The following IKBIP variants were observed in gnomAD, a reference collection of about 807,000 sequenced individuals.
The protein encoded by IKBIP is inhibitor of nuclear factor kappa-B kinase-interacting protein.
In IKBIP, 28 loss-of-function variants were observed where a neutral mutation model predicts 31.0. The observed-to-expected ratio is 0.90, with a 90% CI of 0.67 to 1.24. The LOEUF (loss-of-function observed/expected upper bound fraction) is 1.24, where lower values mean the gene tolerates loss of function less well. IKBIP is among the 50% of genes most tolerant of loss of function. The pLI, the probability that IKBIP is intolerant of heterozygous loss-of-function variation, is 0.00. For missense variants in IKBIP, 453 were observed against 441.9 expected (o/e 1.03, Z -0.23); for synonymous variants, 164 against 160.3 (o/e 1.02, Z -0.17).
At chr12:98,627,777 T>A (rs1847646230) in intron 2 of IKBIP, among the ~76,000 whole-genome samples, 1 of 152,214 alleles carries the variant, frequency 6.6e-6, no homozygotes, top group Non-Finnish European at 1.5e-5. Flanking sequence ...TTTTAGAAAC[T>A]GCAACTTTGT....
At chr12:98,642,778 T>C (rs1049244317) in intron 1 of IKBIP, among the ~76,000 whole-genome samples, 1 of 151,424 alleles carries the variant, frequency 6.6e-6, no homozygotes, top group Non-Finnish European at 1.5e-5. Context: ...TTTGTATTTT[T>C]AGTAGACACA....
intron 2 of IKBIP, among the ~76,000 whole-genome samples, chr12:98,617,027 A>G (rs944597027): frequency 1.3e-4 from 20 of 152,212 alleles, no homozygotes; most frequent in African/African-American, 4.6e-4. Context: ...GTCCAAGACT[A>G]TATGTCTACG....
intron 2 of IKBIP, among the ~76,000 whole-genome samples, chr12:98,617,079 TCTAA>T (rs1394302425): frequency 3.9e-5 from 6 of 152,228 alleles, no homozygotes; most frequent in Admixed American, 6.5e-5. Context: ...TTCTGGCCTA[TCTAA>T]CTATCCATGA....
Position 98,644,636 on chromosome 12 carries a change from C to G in IKBIP, c.66G>C (p.Lys22Asn), listed in dbSNP as rs763887899. ...PKGAPAAEPG[K>N]RSEGGKTPVA... ...CGGGGGTCTTCCCGCCCTCGCTCCG[C>G]TTCCCGGGCTCCGCAGCAGGGGCTC... Residue 22 changes from lysine (K) to asparagine (N), a missense_variant, in exon 1 of 3, where the codon AAG becomes AAC. Lys to Asn is a moderately conservative substitution (Grantham distance 94). Transcript: ENST00000299157. 6.2e-7 allele frequency: 1 copy of G among 1,610,970 alleles called. No homozygotes were observed. Among genetic ancestry groups the G allele is most frequent in the Non-Finnish European group, 8.5e-7 (1 of 1,179,266 alleles).
At chr12:98,617,296 T>G (rs996108147) in intron 2 of IKBIP, among the ~76,000 whole-genome samples, 6 of 152,252 alleles carry the variant, frequency 3.9e-5, no homozygotes, top group Admixed American at 3.9e-4. Context: ...TGTTTCAATG[T>G]CATCCTTCTT....
exon 3 of IKBIP, chr12:98,613,878 C>T (rs147943089): frequency 1.9e-6 from 3 of 1,613,112 alleles, no homozygotes; most frequent in Admixed American, 1.7e-5. Context: ...GTATGTTTGT[C>T]GAAGTCACTC....
At chr12:98,628,056 TAGATA>T (rs1430016844) in intron 2 of IKBIP, among the ~76,000 whole-genome samples, 1 of 151,720 alleles carries the variant, frequency 6.6e-6, no homozygotes, top group African/African-American at 2.4e-5. Context: ...AGTCTACACT[TAGATA>T]ACAGCTTTAG....
chr12:98,638,046 A>G (rs2097627384), intron 1 of IKBIP, among the ~76,000 whole-genome samples: 2 of 152,302 alleles, frequency 1.3e-5, no homozygotes, highest in African/African-American at 4.8e-5. Flanking sequence ...AGGGTCTGCT[A>G]AAGGGTATAC....
At chr12:98,616,191 G>A (rs1479351055) in intron 2 of IKBIP, among the ~76,000 whole-genome samples, 1 of 152,078 alleles carries the variant, frequency 6.6e-6, no homozygotes, top group African/African-American at 2.4e-5. Context: ...ATTCTAACAG[G>A]TGTGAGTTGA....
chr12:98,632,656 CT>C (rs1367226210), intron 2 of IKBIP, among the ~76,000 whole-genome samples: 2 of 131,634 alleles, frequency 1.5e-5, no homozygotes, highest in Non-Finnish European at 3.2e-5. Flanking sequence ...GAGTCTCACT[CT>C]GTTGCCCAGG....
intron 1 of IKBIP, 125 bp from the exon 2 acceptor site, chr12:98,634,538 T>C: frequency 1.2e-5 from 6 of 486,844 alleles, no homozygotes; most frequent in Non-Finnish European, 2.2e-5. Flanking sequence ...CTGTAGGTTT[T>C]TTTTTTTTTT....
chr12:98,627,320 A>G (rs1325480338), intron 2 of IKBIP, among the ~76,000 whole-genome samples: 1 of 151,770 alleles, frequency 6.6e-6, no homozygotes, highest in East Asian at 1.9e-4. Context: ...AATCCTAGAT[A>G]TTTCAGCATT....
chr12:98,626,199 C>T lies in IKBIP; in HGVS notation c.865G>A (p.Asp289Asn). 3 of 1,613,540 alleles carry T rather than the reference C, an allele frequency of 1.9e-6. No individual in the cohort carries two copies. The highest frequency in any genetic ancestry group is 2.5e-6 in the Non-Finnish European group (3 of 1,179,498). The change falls in exon 3 of 3, where the codon GAT becomes AAT. Residue 289 changes from aspartate (D) to asparagine (N), a missense_variant. Physicochemically the swap from Asp to Asn is conservative, Grantham distance 23 (BLOSUM62 1). Transcript: ENST00000299157. ...AIHSVLRVSQ[D>N]LIETEKKMED... ...ATTTTCTTTTCTGTTTCTATCAGAT[C>T]CTGAGAGACTCTGAGAACAGAGTGA...
chr12:98,625,754 T>A lies in IKBIP; in HGVS notation c.*176A>T. 1 of 389,028 alleles carries A rather than the reference T, an allele frequency of 2.6e-6. No individual in the cohort carries two copies. The highest frequency in any genetic ancestry group is 4.4e-6 in the Non-Finnish European group (1 of 227,390). 24.1% of individuals were successfully genotyped at this position (389,028 alleles called of 1,614,324 possible). A position where few individuals can be genotyped will look rare whatever the true frequency, so the allele number is the denominator to read the frequency against. ...TCTATTTCAAATAGTTACAATGAAG[T>A]AAGTTTTAGTGCTTAAAAAGATAAG... On this transcript the variant is annotated 3_prime_UTR_variant, in exon 3 of 3. Coordinates refer to ENST00000299157, the MANE Select transcript of IKBIP (RefSeq NM_153687.4).
exon 3 of IKBIP, chr12:98,613,951 T>G (rs1269977813): frequency 6.2e-7 from 1 of 1,613,846 alleles, no homozygotes. Flanking sequence ...ATGCTGTCTT[T>G]CGGAGCGTTG....
At chr12:98,638,163 A>G (rs1312510061) in intron 1 of IKBIP, among the ~76,000 whole-genome samples, 1 of 152,208 alleles carries the variant, frequency 6.6e-6, no homozygotes, top group Non-Finnish European at 1.5e-5. Context: ...GGAGGCAACG[A>G]ATCATACTGA....
Position 98,626,281 on chromosome 12 carries a change from G to C in IKBIP, c.783C>G (p.Asp261Glu). Residue 261 changes from aspartate to glutamate, a missense_variant, in exon 3 of 3, where the codon GAC becomes GAG. Physicochemically the swap from Asp to Glu is conservative, Grantham distance 45. Coordinates refer to ENST00000299157, the MANE Select transcript of IKBIP (RefSeq NM_153687.4). ...RDEDLTNKLS[D>E]YEPKVEECKT... ...TGCATTCTTCAACTTTGGGTTCGTA[G>C]TCGGAAAGTTTATTAGTCAGATCTT... is the stretch of plus-strand genomic sequence containing the variant. 1 of 1,614,160 alleles carries C rather than the reference G, an allele frequency of 6.2e-7. No individual in the cohort carries two copies.
chr12:98,620,447 A>AC (rs1345170353), downstream of IKBIP, among the ~76,000 whole-genome samples: 1 of 151,382 alleles, frequency 6.6e-6, no homozygotes, highest in East Asian at 2.0e-4. Context: ...GCTCACTGCA[A>AC]CCCCTGCCTC....
Position 98,624,822 on chromosome 12 carries a change from T to G in IKBIP, c.*1108A>C, listed in dbSNP as rs981981067. ...TATTTTTATTTATTTATTTATTTAT[T>G]GAGACAGAGTCTCACTTTGCCACTC... On this transcript the variant is annotated 3_prime_UTR_variant, in exon 3 of 3. Transcript: ENST00000299157. 1.3e-6 allele frequency: 1 copy of G among 790,034 alleles called. No homozygotes were observed. Among genetic ancestry groups the G allele is most frequent in the Admixed American group, 6.2e-5 (1 of 16,002 alleles). 48.9% of individuals were successfully genotyped at this position (790,034 alleles called of 1,614,324 possible).
Sources: gnomAD v4.1 joint callset for allele counts (sites outside exome capture counted in the v4.1 genomes callset) on GRCh38, gnomAD v4.1.1 for gene constraint, MANE v1.5 for transcripts, NCBI Gene and HGNC (gene_info 2026-07-23, HGNC 2026-07-21) for gene names.